SEMA3E: variants seen among roughly 807,000 people sequenced by gnomAD.
SEMA3E encodes the protein semaphorin-3E.
A neutral mutation model predicts 93.6 loss-of-function variants in SEMA3E; 49 were observed. That is an observed-to-expected ratio of 0.52 (90% CI 0.42 to 0.66). SEMA3E has a LOEUF of 0.66. Ranked by LOEUF, SEMA3E falls within the 30% of genes least tolerant of loss-of-function variation. SEMA3E has a pLI of 0.00. For missense variants in SEMA3E, 906 were observed against 964.8 expected (o/e 0.94, Z 0.81); for synonymous variants, 363 against 330.7 (o/e 1.10, Z -1.06).
intron 4 of SEMA3E, among the ~76,000 whole-genome samples, chr7:83,454,270 A>ATATATATATAT (rs1230455600): frequency 1.0e-5 from 1 of 99,058 alleles, no homozygotes; most frequent in African/African-American, 4.4e-5. Flanking sequence ...AAAAAAAAAA[A>ATATATATATAT]AAATATATAT....
intron 1 of SEMA3E, among the ~76,000 whole-genome samples, chr7:83,631,643 G>A (rs1015261099): frequency 4.6e-5 from 7 of 152,136 alleles, no homozygotes; most frequent in Non-Finnish European, 1.0e-4. Context: ...GTCTTTTTCA[G>A]GGCACCACAC....
intron 1 of SEMA3E, among the ~76,000 whole-genome samples, chr7:83,554,409 C>A (rs1240376824): frequency 6.6e-6 from 1 of 152,080 alleles, no homozygotes; most frequent in Non-Finnish European, 1.5e-5. Flanking sequence ...TTCCTCCAGG[C>A]CTTTGGGTAA....
chr7:83,386,253 T>C (rs913250126), intron 15 of SEMA3E, among the ~76,000 whole-genome samples: 14 of 152,174 alleles, frequency 9.2e-5, no homozygotes, highest in African/African-American at 3.4e-4. Context: ...GTCCAACAAA[T>C]TGATGCTGGA....
chr7:83,556,315 A>G (rs1369100323), intron 1 of SEMA3E, among the ~76,000 whole-genome samples: 1 of 152,184 alleles, frequency 6.6e-6, no homozygotes, highest in African/African-American at 2.4e-5. Context: ...ACATATGTCC[A>G]TGCAAATAAC....
chr7:83,383,694 A>G (rs531566040), intron 16 of SEMA3E, among the ~76,000 whole-genome samples: 22 of 152,164 alleles, frequency 1.4e-4, no homozygotes, highest in African/African-American at 4.8e-4. Flanking sequence ...AATATGAGAA[A>G]GAACCTTATA....
chr7:83,516,785 G>A (rs1288867001), intron 1 of SEMA3E, among the ~76,000 whole-genome samples: 2 of 151,928 alleles, frequency 1.3e-5, no homozygotes, highest in African/African-American at 4.8e-5. Context: ...CCCCTGCTAC[G>A]TTATGTTTTT....
chr7:83,537,084 T>C (rs951300698), intron 1 of SEMA3E, among the ~76,000 whole-genome samples: 1 of 151,982 alleles, frequency 6.6e-6, no homozygotes, highest in Admixed American at 6.6e-5. Context: ...TTCCCCTCTC[T>C]CTTCCTCTCT....
In SEMA3E at chr7:83,418,475, C is replaced by G; in HGVS notation, c.465G>C (p.Leu155=). 2.5e-6 allele frequency: 4 copies of G among 1,610,142 alleles called. No individual in the cohort carries two copies. The highest frequency in any genetic ancestry group is 1.1e-5 in the South Asian group (1 of 90,368). Reference sequence around the variant, plus strand: ...CAGATCTGGGTGATTCCAGGTGAAACAGAGGATCCTTGAAAGAAAACCAGA... The same window carrying G: ...CAGATCTGGGTGATTCCAGGTGAAAGAGAGGATCCTTGAAAGAAAACCAGA... ...IRVGYHLEDP[L]FHLESPRSER... Residue 155 remains leucine (L), a synonymous_variant, in exon 5 of 17, where the codon CTG becomes CTC. Coordinates refer to ENST00000643230, the MANE Select transcript of SEMA3E (RefSeq NM_012431.3).
chr7:83,535,825 G>A (rs968992165), intron 1 of SEMA3E, among the ~76,000 whole-genome samples: 3 of 151,978 alleles, frequency 2.0e-5, no homozygotes, highest in Non-Finnish European at 1.5e-5. Context: ...AAATGCAGTG[G>A]GAAAAATTTC....
chr7:83,601,963 T>A (rs556253250), intron 1 of SEMA3E, among the ~76,000 whole-genome samples: 4 of 152,342 alleles, frequency 2.6e-5, no homozygotes, highest in African/African-American at 9.6e-5. Flanking sequence ...CAAATAATGA[T>A]GTAATCAATG....
At chr7:83,581,739 A>G (rs1792522347) in intron 1 of SEMA3E, among the ~76,000 whole-genome samples, 1 of 152,062 alleles carries the variant, frequency 6.6e-6, no homozygotes, top group South Asian at 2.1e-4. Context: ...TAAATTGATC[A>G]TTAAACTGCT....
chr7:83,402,458 A>G (rs910065288), intron 10 of SEMA3E, among the ~76,000 whole-genome samples, 174 bp downstream of exon 10: 2 of 152,010 alleles, frequency 1.3e-5, no homozygotes, highest in East Asian at 3.8e-4. Context: ...AATAACAAGG[A>G]TAAAACTTGA....
intron 1 of SEMA3E, among the ~76,000 whole-genome samples, chr7:83,510,421 C>T (rs1366207029): frequency 1.3e-5 from 2 of 152,136 alleles, no homozygotes; most frequent in East Asian, 3.8e-4. Context: ...AGGTTTCACA[C>T]ATTTATATGA....
chr7:83,544,637 T>C (rs961168811), intron 1 of SEMA3E, among the ~76,000 whole-genome samples: 3 of 152,148 alleles, frequency 2.0e-5, no homozygotes, highest in Non-Finnish European at 2.9e-5. Context: ...TTTCATTTTA[T>C]TTATGGGAAA....
Position 83,477,983 on chromosome 7 carries a change from C to T in SEMA3E, c.277-8681G>A, listed in dbSNP as rs1214608207. Among the ~76,000 whole-genome samples, 4 of 151,720 alleles carry T rather than the reference C, an allele frequency of 2.6e-5. No individual in the cohort carries two copies. In the East Asian group the frequency reaches 7.8e-4, roughly 29 times the overall value. On this transcript the variant is annotated intron_variant, in intron 2 of 16. Transcript: ENST00000643230. Reference sequence around the variant, plus strand: ...TTGCTCAGGCTGGAGTGCAATGGCACAATCTCGGCTCACTGCAACCTCCAC... The same window carrying T: ...TTGCTCAGGCTGGAGTGCAATGGCATAATCTCGGCTCACTGCAACCTCCAC...
At chr7:83,461,200 C>G (rs1562792432) in intron 4 of SEMA3E, among the ~76,000 whole-genome samples, 1 of 152,108 alleles carries the variant, frequency 6.6e-6, no homozygotes, top group Non-Finnish European at 1.5e-5. Context: ...CAGTCCCTTC[C>G]TAGTCTCTGT....
At chr7:83,447,537 C>A (rs372629151) in intron 4 of SEMA3E, among the ~76,000 whole-genome samples, 1 of 152,038 alleles carries the variant, frequency 6.6e-6, no homozygotes, top group African/African-American at 2.4e-5. Flanking sequence ...GACTCTGTCT[C>A]AAACAACAAC....
intron 1 of SEMA3E, among the ~76,000 whole-genome samples, chr7:83,634,124 A>G (rs1483348846): frequency 6.6e-6 from 1 of 152,208 alleles, no homozygotes; most frequent in Non-Finnish European, 1.5e-5. Context: ...ACAATATATT[A>G]CTATTACTAT....
intron 1 of SEMA3E, among the ~76,000 whole-genome samples, chr7:83,513,076 T>C (rs1211202585): frequency 6.6e-6 from 1 of 152,204 alleles, no homozygotes; most frequent in African/African-American, 2.4e-5. Context: ...TATCGCAATA[T>C]TGATTTTAAC....
Sources: gnomAD v4.1 joint callset for allele counts (sites outside exome capture counted in the v4.1 genomes callset) on GRCh38, gnomAD v4.1.1 for gene constraint, MANE v1.5 for transcripts, NCBI Gene and HGNC (gene_info 2026-07-23, HGNC 2026-07-21) for gene names.